Variants in SOX6 observed in about 807,000 individuals in gnomAD.
SOX6 encodes the protein transcription factor SOX-6.
In SOX6, 11 loss-of-function variants were observed where a neutral mutation model predicts 97.8. That is an observed-to-expected ratio of 0.11 (90% CI 0.07 to 0.19). The LOEUF is 0.19. Among genes scored for constraint, SOX6 ranks in the 10% least tolerant of loss-of-function variants. The pLI is 1.00. For missense variants in SOX6, 810 were observed against 1,039.5 expected, an observed-to-expected ratio of 0.78 and a Z score of 3.04; for synonymous variants, 360 against 371.4, an observed-to-expected ratio of 0.97 and a Z score of 0.35.
intron 1 of SOX6, among the ~76,000 whole-genome samples, chr11:16,400,009 T>C (rs1001007889): frequency 6.6e-5 from 10 of 151,448 alleles, no homozygotes; most frequent in South Asian, 4.1e-4. Context: ...TTCAGTTCCA[T>C]TGAAACTGAA....
intron 4 of SOX6, among the ~76,000 whole-genome samples, chr11:16,198,446 A>C (rs2134123501): frequency 6.6e-6 from 1 of 152,164 alleles, no homozygotes; most frequent in South Asian, 2.1e-4. Context: ...TTCTAACGTA[A>C]CTTTAAAATG....
chr11:16,334,040 G>A (rs1856388606), intron 2 of SOX6, among the ~76,000 whole-genome samples: 1 of 152,028 alleles, frequency 6.6e-6, no homozygotes, highest in South Asian at 2.1e-4. Flanking sequence ...TGCAAATTGT[G>A]AGTGTCAGTG....
At chr11:16,713,470 G>T (rs946332337) in intron 3 of SOX6, among the ~76,000 whole-genome samples, 2 of 151,894 alleles carry the variant, frequency 1.3e-5, no homozygotes, top group Non-Finnish European at 2.9e-5. Flanking sequence ...AATCATACAT[G>T]TGCTATTGTG....
chr11:16,218,676 A>G (rs1852443543), intron 4 of SOX6, among the ~76,000 whole-genome samples: 1 of 152,140 alleles, frequency 6.6e-6, no homozygotes, highest in African/African-American at 2.4e-5. Flanking sequence ...AGCTATGAAA[A>G]ATATCTCATT....
chr11:16,494,783 G>T (rs1358660231), intron 4 of SOX6, among the ~76,000 whole-genome samples: 1 of 152,122 alleles, frequency 6.6e-6, no homozygotes, highest in African/African-American at 2.4e-5. Context: ...GACCCTCAGT[G>T]GTTCATATTC....
At chr11:16,522,220 C>A (rs949052018) in intron 4 of SOX6, among the ~76,000 whole-genome samples, 1 of 152,142 alleles carries the variant, frequency 6.6e-6, no homozygotes, top group African/African-American at 2.4e-5. Context: ...ATGTTAAGGG[C>A]AGCCACAGAG....
intron 4 of SOX6, among the ~76,000 whole-genome samples, chr11:16,508,370 G>A (rs1162351746): frequency 6.6e-6 from 1 of 152,072 alleles, no homozygotes; most frequent in Non-Finnish European, 1.5e-5. Context: ...CCAAAGGAAA[G>A]GAAATCAGTA....
intron 3 of SOX6, among the ~76,000 whole-genome samples, chr11:16,674,059 G>A (rs553366582): frequency 7.9e-4 from 120 of 151,886 alleles, no homozygotes; most frequent in African/African-American, 2.8e-3. Context: ...GCCTGGTGGC[G>A]GGCGCCTGTA....
At chr11:15,991,084 C>T (rs889684596) in intron 13 of SOX6, among the ~76,000 whole-genome samples, 5 of 152,146 alleles carry the variant, frequency 3.3e-5, no homozygotes. Context: ...AGAAAGGCTA[C>T]TTTCTGAAGA....
intron 4 of SOX6, among the ~76,000 whole-genome samples, chr11:16,189,767 G>T: frequency 6.6e-6 from 1 of 152,168 alleles, no homozygotes; most frequent in East Asian, 1.9e-4. Flanking sequence ...TAACATACGT[G>T]TAATTGTATC....
In SOX6 at chr11:16,132,405, G is replaced by GAAAGAAAGAAAA. The variant is rs1849810271; in HGVS notation, c.778-20483_778-20482insTTTTCTTTCTTT. ...AAGAAAGAAAGAAAGAAAGAAAAAAGAAAGAAAGAAAGAAAGAAAGAAAGA... is the reference window on the plus strand; with the variant it reads ...AAGAAAGAAAGAAAGAAAGAAAAAAGAAAGAAAGAAAAAAAGAAAGAAAGAAAGAAAGAAAGA... On this transcript the variant is annotated intron_variant, in intron 6 of 15. Coordinates refer to ENST00000683767, the MANE Select transcript of SOX6 (RefSeq NM_001367873.1). 4.2e-5 allele frequency among the ~76,000 whole-genome samples: 2 copies of GAAAGAAAGAAAA among 47,608 alleles called. 1 individual carries two copies. Among genetic ancestry groups the GAAAGAAAGAAAA allele is most frequent in the African/African-American group, 1.9e-4 (2 of 10,532 alleles). 31.2% of individuals were successfully genotyped at this position (47,608 alleles called of 152,430 possible).
intron 3 of SOX6, among the ~76,000 whole-genome samples, chr11:16,640,238 C>G (rs569386850): frequency 1.2e-4 from 19 of 152,248 alleles, no homozygotes; most frequent in African/African-American, 9.6e-5. Context: ...TTTGAACCAG[C>G]CTTGCATCCC....
intron 1 of SOX6, among the ~76,000 whole-genome samples, chr11:16,373,233 C>G (rs770152858): frequency 6.6e-6 from 1 of 152,046 alleles, no homozygotes; most frequent in Non-Finnish European, 1.5e-5. Context: ...GGCAGAATGA[C>G]AACCACAAAG....
chr11:16,568,409 A>G (rs1325667077), intron 4 of SOX6, among the ~76,000 whole-genome samples: 1 of 152,218 alleles, frequency 6.6e-6, no homozygotes, highest in Non-Finnish European at 1.5e-5. Context: ...ATCAACAGAG[A>G]CAGAAAGCAG....
chr11:16,280,026 A>G (rs1590087514), intron 3 of SOX6, among the ~76,000 whole-genome samples: 1 of 152,148 alleles, frequency 6.6e-6, no homozygotes. Flanking sequence ...AAGTTTTTCA[A>G]TGGTAAGCAA....
At chr11:16,688,180 C>A (rs1159514877) in intron 3 of SOX6, among the ~76,000 whole-genome samples, 1 of 152,008 alleles carries the variant, frequency 6.6e-6, no homozygotes, top group African/African-American at 2.4e-5. Context: ...TACTATGTTG[C>A]CTAGGCTGGT....
intron 6 of SOX6, among the ~76,000 whole-genome samples, chr11:16,180,129 T>A (rs1161714569): frequency 6.6e-6 from 1 of 151,688 alleles, no homozygotes; most frequent in African/African-American, 2.4e-5. Flanking sequence ...GTGAAAAAAA[T>A]CAAGAAATGA....
intron 2 of SOX6, among the ~76,000 whole-genome samples, chr11:16,321,349 G>A (rs1392114859): frequency 6.6e-6 from 1 of 150,840 alleles, no homozygotes; most frequent in African/African-American, 2.4e-5. Context: ...ACCTACAAAT[G>A]ACTCACAATT....
At chr11:16,685,516 C>T (rs759361641) in intron 3 of SOX6, among the ~76,000 whole-genome samples, 1 of 152,242 alleles carries the variant, frequency 6.6e-6, no homozygotes, top group Admixed American at 6.5e-5. Flanking sequence ...AACCTTAAAG[C>T]TCCAAAATAA....
Sources: gnomAD v4.1 joint callset for allele counts (sites outside exome capture counted in the v4.1 genomes callset) on GRCh38, gnomAD v4.1.1 for gene constraint, MANE v1.5 for transcripts, NCBI Gene and HGNC (gene_info 2026-07-23, HGNC 2026-07-21) for gene names.